MACROD2: variants seen among roughly 807,000 people sequenced by gnomAD.
MACROD2 encodes mono-ADP ribosylhydrolase 2, also known as ADP-ribose glycohydrolase MACROD2.
In MACROD2, 36 loss-of-function variants were observed where a neutral mutation model predicts 70.4. That is an observed-to-expected ratio of 0.51 (90% CI 0.39 to 0.68). MACROD2 has a LOEUF of 0.68. Among genes scored for constraint, MACROD2 ranks in the 30% least tolerant of loss-of-function variants. The probability of loss-of-function intolerance (pLI) is 0.00; values close to 1 mark genes in which losing one functional copy is unlikely to be tolerated. For missense variants in MACROD2, 496 were observed against 538.4 expected (o/e 0.92, Z 0.78); for synonymous variants, 172 against 178.8 (o/e 0.96, Z 0.30).
chr20:15,277,705 A>G (rs1333432425), intron 6 of MACROD2, among the ~76,000 whole-genome samples: 1 of 152,168 alleles, frequency 6.6e-6, no homozygotes, highest in Non-Finnish European at 1.5e-5. Context: ...GTATAATATG[A>G]TTGAATACAG....
At chr20:15,372,474 A>C (rs946912598) in intron 6 of MACROD2, among the ~76,000 whole-genome samples, 10 of 152,172 alleles carry the variant, frequency 6.6e-5, no homozygotes, top group African/African-American at 2.4e-4. Flanking sequence ...CTAGTAAGAT[A>C]TCTTCTCACT....
intron 3 of MACROD2, among the ~76,000 whole-genome samples, chr20:14,413,561 G>A (rs1194862503): frequency 1.3e-5 from 2 of 151,964 alleles, no homozygotes; most frequent in African/African-American, 4.8e-5. Flanking sequence ...TATATAATCA[G>A]GTATAAGTGT....
At chr20:15,179,246 A>G (rs1392457377) in intron 5 of MACROD2, among the ~76,000 whole-genome samples, 1 of 152,158 alleles carries the variant, frequency 6.6e-6, no homozygotes, top group Non-Finnish European at 1.5e-5. Flanking sequence ...GGTACTTAAA[A>G]TTTGTGCACT....
chr20:14,304,743 C>T (rs1282356454), intron 3 of MACROD2, among the ~76,000 whole-genome samples: 1 of 149,116 alleles, frequency 6.7e-6, no homozygotes, highest in Non-Finnish European at 1.5e-5. Flanking sequence ...AAAAATCACA[C>T]ACCTTATTTT....
chr20:15,621,983 T>G (rs1210571621), intron 8 of MACROD2, among the ~76,000 whole-genome samples: 2 of 152,160 alleles, frequency 1.3e-5, no homozygotes, highest in Admixed American at 1.3e-4. Context: ...TAAAGATAGA[T>G]GCGCACTAAC....
At chr20:15,807,957 C>T (rs1461037470) in intron 8 of MACROD2, among the ~76,000 whole-genome samples, 1 of 151,984 alleles carries the variant, frequency 6.6e-6, no homozygotes. Context: ...TAAAGATCGA[C>T]CCCTGACCTA....
chr20:14,839,684 C>G (rs1202635183), intron 5 of MACROD2, among the ~76,000 whole-genome samples: 1 of 152,068 alleles, frequency 6.6e-6, no homozygotes, highest in African/African-American at 2.4e-5. Flanking sequence ...GGACATTGAT[C>G]AGATGGCCAG....
intron 8 of MACROD2, among the ~76,000 whole-genome samples, chr20:15,766,574 TA>T (rs1382056040): frequency 6.6e-5 from 10 of 152,126 alleles, no homozygotes; most frequent in Non-Finnish European, 1.3e-4. Context: ...TTAAAGTATT[TA>T]AGAATCACCC....
intron 4 of MACROD2, among the ~76,000 whole-genome samples, chr20:14,574,610 A>G (rs1980447640): frequency 6.6e-6 from 1 of 151,918 alleles, no homozygotes; most frequent in African/African-American, 2.4e-5. Context: ...AGTCTCTTGC[A>G]TTTTGGGAGT....
At chr20:14,040,947 T>A (rs1188957530) in intron 2 of MACROD2, among the ~76,000 whole-genome samples, 1 of 152,200 alleles carries the variant, frequency 6.6e-6, no homozygotes, top group Non-Finnish European at 1.5e-5. Flanking sequence ...TAGTAGAAAG[T>A]TAAGTTAGAA....
chr20:14,214,586 CT>C (rs11479144), intron 3 of MACROD2, among the ~76,000 whole-genome samples: 107,951 of 131,364 alleles, frequency 0.82, 43,737 homozygotes, highest in African/African-American at 0.89. Context: ...CAGCAATGTT[CT>C]TTTTTTTTTT....
intron 8 of MACROD2, among the ~76,000 whole-genome samples, chr20:15,811,977 A>G (rs1289352720): frequency 6.6e-6 from 1 of 152,192 alleles, no homozygotes; most frequent in African/African-American, 2.4e-5. Flanking sequence ...CTGAGACCTG[A>G]GGACAGGTAG....
intron 5 of MACROD2, among the ~76,000 whole-genome samples, chr20:14,880,415 A>T (rs2073597918): frequency 6.6e-6 from 1 of 152,232 alleles, no homozygotes; most frequent in South Asian, 2.1e-4. Context: ...GAGGAGAGTG[A>T]TCACTGCACA....
intron 8 of MACROD2, among the ~76,000 whole-genome samples, chr20:15,641,388 A>G (rs1165580570): frequency 6.6e-6 from 1 of 152,200 alleles, no homozygotes; most frequent in African/African-American, 2.4e-5. Flanking sequence ...AATAGTGTAG[A>G]TTAGTGGAAG....
At chr20:15,671,423 G>A (rs1204010830) in intron 8 of MACROD2, among the ~76,000 whole-genome samples, 1 of 152,146 alleles carries the variant, frequency 6.6e-6, no homozygotes. Flanking sequence ...GGGGTGGGGG[G>A]ATTATGGCCG....
chr20:15,283,548 T>G (rs2146092591), intron 6 of MACROD2, among the ~76,000 whole-genome samples: 1 of 152,200 alleles, frequency 6.6e-6, no homozygotes, highest in East Asian at 1.9e-4. Flanking sequence ...GGCAGGTGCC[T>G]GTAATCCCAG....
chr20:14,503,974 A>C (rs1452915628), intron 4 of MACROD2, among the ~76,000 whole-genome samples: 1 of 152,252 alleles, frequency 6.6e-6, no homozygotes, highest in African/African-American at 2.4e-5. Flanking sequence ...TCTCTACTTA[A>C]GAATCTTCTA....
chr20:15,832,178 T>C (rs537127919), intron 8 of MACROD2, among the ~76,000 whole-genome samples: 169 of 152,348 alleles, frequency 1.1e-3, no homozygotes, highest in African/African-American at 3.9e-3. Context: ...TTAATTTTTT[T>C]TGCAGTCCTC....
rs186160915 is a variant in MACROD2 at position 14,578,010 on chromosome 20, C to T, written c.301+84502C>T. 1.2e-3 allele frequency among the ~76,000 whole-genome samples: 187 copies of T among 152,124 alleles called. 1 individual carries two copies. The highest frequency in any genetic ancestry group is 4.3e-3 in the African/African-American group (179 of 41,512). On this transcript the variant is annotated intron_variant, in intron 4 of 17. Coordinates refer to ENST00000684519, the MANE Select transcript of MACROD2 (RefSeq NM_001351661.2). ...CTTCTTATAGAGCTAGATCCAGAAC[C>T]CAGGATTTCTGAAGTACAACCTGTT...
Sources: allele counts gnomAD v4.1 joint callset (sites outside exome capture counted in the v4.1 genomes callset), GRCh38; gene constraint gnomAD v4.1.1; transcripts MANE v1.5; gene names NCBI Gene and HGNC (gene_info 2026-07-23, HGNC 2026-07-21).